LDLRAD3: variants seen among roughly 807,000 people sequenced by gnomAD.
The protein encoded by LDLRAD3 is low-density lipoprotein receptor class A domain-containing protein 3.
LDLRAD3 carries 20 observed loss-of-function variants against 29.4 expected under a neutral mutation model. The ratio of observed to expected loss-of-function variants is 0.68; its 90% CI spans 0.48 to 0.99. LDLRAD3 has a LOEUF of 0.99. Among genes scored for constraint, LDLRAD3 ranks in the 50% least tolerant of loss-of-function variants. The pLI is 0.00. For synonymous variants in LDLRAD3, 157 were observed against 192.7 expected, an observed-to-expected ratio of 0.81 and a Z score of 1.53; for missense variants, 420 against 454.3, an observed-to-expected ratio of 0.92 and a Z score of 0.69.
intron 4 of LDLRAD3, among the ~76,000 whole-genome samples, chr11:36,174,619 T>C (rs1854644261): frequency 6.6e-6 from 1 of 152,106 alleles, no homozygotes; most frequent in Non-Finnish European, 1.5e-5. Context: ...AAAAAATGCT[T>C]GTCATCACTG....
At chr11:36,100,262 A>G (rs1387898446) in intron 4 of LDLRAD3, among the ~76,000 whole-genome samples, 1 of 152,180 alleles carries the variant, frequency 6.6e-6, no homozygotes, top group African/African-American at 2.4e-5. Flanking sequence ...GAAATTTCCA[A>G]ACTTCTGACT....
intron 1 of LDLRAD3, among the ~76,000 whole-genome samples, chr11:35,992,011 T>C (rs1344928581): frequency 6.6e-6 from 1 of 151,796 alleles, no homozygotes; most frequent in East Asian, 1.9e-4. Flanking sequence ...GGAATGGGAG[T>C]TGGTTTAAAC....
chr11:35,991,092 A>G (rs978935004), intron 1 of LDLRAD3, among the ~76,000 whole-genome samples: 4 of 152,222 alleles, frequency 2.6e-5, no homozygotes, highest in Non-Finnish European at 5.9e-5. Flanking sequence ...CTATCGTATC[A>G]ATAAAACCAG....
chr11:36,080,339 C>T (rs1853094587), intron 2 of LDLRAD3, among the ~76,000 whole-genome samples: 1 of 152,196 alleles, frequency 6.6e-6, no homozygotes, highest in Admixed American at 6.5e-5. Flanking sequence ...GCAGGACACT[C>T]AATTAAGCCC....
At chr11:36,153,599 G>T (rs1158392422) in intron 4 of LDLRAD3, among the ~76,000 whole-genome samples, 1 of 152,158 alleles carries the variant, frequency 6.6e-6, no homozygotes, top group Non-Finnish European at 1.5e-5. Context: ...CTGTTACCAA[G>T]TACATGTTCT....
chr11:36,091,166 G>A (rs549655791), intron 3 of LDLRAD3, among the ~76,000 whole-genome samples: 2 of 152,336 alleles, frequency 1.3e-5, no homozygotes, highest in African/African-American at 4.8e-5. Context: ...GAGGCTATGA[G>A]GTTGGGAAGT....
chr11:36,019,415 C>T (rs1049652133), intron 1 of LDLRAD3, among the ~76,000 whole-genome samples: 4 of 152,162 alleles, frequency 2.6e-5, no homozygotes. Context: ...GTCAGTCTTG[C>T]TTCGTGTGGA....
At chr11:36,027,387 C>T (rs1052339143) in intron 1 of LDLRAD3, among the ~76,000 whole-genome samples, 12 of 152,108 alleles carry the variant, frequency 7.9e-5, no homozygotes, top group South Asian at 2.1e-4. Context: ...ATTGATACTT[C>T]GTGGGTTATA....
chr11:35,961,611 A>G (rs1341112342), intron 1 of LDLRAD3, among the ~76,000 whole-genome samples: 1 of 152,136 alleles, frequency 6.6e-6, no homozygotes, highest in Non-Finnish European at 1.5e-5. Flanking sequence ...ATTTATCTCA[A>G]ACCCCCAGTG....
Position 36,172,037 on chromosome 11 carries a change from T to C in LDLRAD3, c.455-55048T>C, listed in dbSNP as rs1854605452. ...TTCCTTGTAGAGGTCTTTCATGTTC[T>C]TGGTTAGGTATATTCCTAAGGTGTT... On this transcript the variant is annotated intron_variant, in intron 4 of 5. Transcript: ENST00000315571. Among the ~76,000 whole-genome samples the C allele has an allele frequency of 3.3e-5, 5 of 152,208 alleles. No individual in the cohort carries two copies. In the South Asian group the frequency reaches 1.0e-3, roughly 32 times the overall value.
intron 4 of LDLRAD3, among the ~76,000 whole-genome samples, chr11:36,218,958 C>G (rs756574651): frequency 2.0e-5 from 3 of 151,754 alleles, no homozygotes; most frequent in Non-Finnish European, 4.4e-5. Context: ...ATCCATATAA[C>G]ATGAAGAAAA....
intron 2 of LDLRAD3, among the ~76,000 whole-genome samples, chr11:36,050,816 A>C (rs1392104404): frequency 6.6e-6 from 1 of 152,154 alleles, no homozygotes; most frequent in African/African-American, 2.4e-5. Flanking sequence ...AGCAACACTT[A>C]TTTCTCTCAG....
chr11:36,080,234 G>A (rs2133256142), intron 2 of LDLRAD3, among the ~76,000 whole-genome samples: 1 of 152,192 alleles, frequency 6.6e-6, no homozygotes, highest in East Asian at 1.9e-4. Flanking sequence ...CTGGGATGTA[G>A]CAATAGGTCT....
chr11:36,212,848 CA>C (rs1303811852), intron 4 of LDLRAD3, among the ~76,000 whole-genome samples: 1 of 152,158 alleles, frequency 6.6e-6, no homozygotes, highest in East Asian at 1.9e-4. Flanking sequence ...GTTGGCTGTT[CA>C]GTAGCACTTA....
At chr11:35,994,861 A>G (rs999908063) in intron 1 of LDLRAD3, among the ~76,000 whole-genome samples, 2 of 152,256 alleles carry the variant, frequency 1.3e-5, no homozygotes, top group Non-Finnish European at 2.9e-5. Context: ...ATCTGTAAGA[A>G]GCAGCTCCTC....
chr11:36,124,149 C>T (rs1256099144), intron 4 of LDLRAD3, among the ~76,000 whole-genome samples: 1 of 152,230 alleles, frequency 6.6e-6, no homozygotes, highest in African/African-American at 2.4e-5. Context: ...TTGTGTTTAT[C>T]TGGTGCCTGT....
chr11:36,168,682 T>C (rs1277845842), intron 4 of LDLRAD3, among the ~76,000 whole-genome samples: 2 of 152,016 alleles, frequency 1.3e-5, no homozygotes, highest in African/African-American at 4.8e-5. Flanking sequence ...TAGCAACAGT[T>C]GTGTGTGTGT....
intron 4 of LDLRAD3, among the ~76,000 whole-genome samples, chr11:36,112,809 G>C (rs1272656452): frequency 6.6e-6 from 1 of 152,246 alleles, no homozygotes; most frequent in Non-Finnish European, 1.5e-5. Context: ...ATCCCCAAAA[G>C]AGAGATGGAG....
chr11:36,199,361 A>G (rs7931368), intron 4 of LDLRAD3, among the ~76,000 whole-genome samples: 134,414 of 152,270 alleles, frequency 0.88, 59,473 homozygotes, highest in East Asian at 0.97. Context: ...CTCAGATCAC[A>G]AAAGTCACCT....
Sources: gnomAD v4.1 joint callset for allele counts (sites outside exome capture counted in the v4.1 genomes callset) on GRCh38, gnomAD v4.1.1 for gene constraint, MANE v1.5 for transcripts, NCBI Gene and HGNC (gene_info 2026-07-23, HGNC 2026-07-21) for gene names.